The following NBPF11 variants were observed in gnomAD, a reference collection of about 807,000 sequenced individuals.
NBPF11 encodes NBPF member 11, also known as NBPF family member NBPF11.
NBPF11 carries 72 observed loss-of-function variants against 93.9 expected under a neutral mutation model. The observed-to-expected ratio is 0.77, with a 90% confidence interval of 0.63 to 0.93. The LOEUF (loss-of-function observed/expected upper bound fraction) is 0.93. NBPF11 is among the 40% of genes least tolerant of loss of function. The probability of loss-of-function intolerance (pLI) is 0.00; values close to 1 mark genes in which losing one functional copy is unlikely to be tolerated. For synonymous variants in NBPF11, 224 were observed against 304.9 expected, an observed-to-expected ratio of 0.73 and a Z score of 2.76; for missense variants, 705 against 802.2, an observed-to-expected ratio of 0.88 and a Z score of 1.46.
At chr1:148,116,718 C>A (rs1418864199) in intron 12 of NBPF11, among the ~76,000 whole-genome samples, 183 bp from the exon 13 acceptor site, 1 of 151,634 alleles carries the variant, frequency 6.6e-6, no homozygotes, top group Non-Finnish European at 1.5e-5. Context: ...CAATGCATTT[C>A]TGATCTGGAG....
At chr1:148,134,144 C>T (rs1419067526) in intron 4 of NBPF11, among the ~76,000 whole-genome samples, 1 of 151,836 alleles carries the variant, frequency 6.6e-6, no homozygotes, top group African/African-American at 2.4e-5. Flanking sequence ...CGCTGTTCCC[C>T]TCACCCATGC....
chr1:148,127,491 A>G (rs1669361592), intron 4 of NBPF11, among the ~76,000 whole-genome samples: 1 of 72,398 alleles, frequency 1.4e-5, no homozygotes, highest in African/African-American at 6.1e-5. Context: ...CTTTCCCAAT[A>G]CATCTAAGCA....
In NBPF11 at chr1:148,108,552, T is replaced by G. The variant is rs1664373335; in HGVS notation, c.1956A>C (p.Ser652=). Residue 652 remains serine, a synonymous_variant, in exon 18 of 24, where the codon TCA becomes TCC. Coordinates refer to ENST00000682118, the MANE Select transcript of NBPF11 (RefSeq NM_001385469.3). ...AAAAGGCACTTCTGTAGGGCTGGCA[T>G]GAGTCAGTCAGTCCAAGATAAACTG... ...TPSVYLGLTD[S]CQPYRSAFYV... 1 of 1,604,182 alleles carries G rather than the reference T, an allele frequency of 6.2e-7. No individual in the cohort carries two copies. Among genetic ancestry groups the G allele is most frequent in the Non-Finnish European group, 8.5e-7 (1 of 1,173,518 alleles).
chr1:148,126,551 T>A (rs1230234492), intron 5 of NBPF11, among the ~76,000 whole-genome samples: 4 of 152,108 alleles, frequency 2.6e-5, no homozygotes, highest in South Asian at 4.1e-4. Flanking sequence ...GAGAGGATTC[T>A]TGAAAACATG....
At chr1:148,136,146 A>G (rs1671244376) in intron 3 of NBPF11, among the ~76,000 whole-genome samples, 1 of 152,008 alleles carries the variant, frequency 6.6e-6, no homozygotes, top group Non-Finnish European at 1.5e-5. Context: ...TAGTATAAAC[A>G]CTTTGGGAAA....
chr1:148,151,285 G>A (rs1558173227), intron 1 of NBPF11, among the ~76,000 whole-genome samples: 1 of 151,936 alleles, frequency 6.6e-6, no homozygotes, highest in Non-Finnish European at 1.5e-5. Context: ...TGGCACACCT[G>A]GCTTGCCCAT....
intron 1 of NBPF11, chr1:148,146,547 C>G: frequency 3.1e-6 from 5 of 1,604,602 alleles, no homozygotes; most frequent in Non-Finnish European, 3.4e-6. Context: ...CCGGGGCCGC[C>G]CCCTTGGGGA....
rs1212858313 is a variant in NBPF11 at position 148,121,557 on chromosome 1, G to A, written c.778+498C>T. Among the ~76,000 whole-genome samples the A allele has an allele frequency of 4.6e-5, 7 of 151,224 alleles. No homozygotes were observed. The East Asian group carries it at 7.8e-4, about 17-fold the overall frequency. On this transcript the variant is annotated intron_variant, in intron 9 of 23. Transcript: ENST00000682118. Reference sequence around the variant, plus strand: ...TTTTTAGTAAAGACGGGGTTTCACCGTGTTAGCCAGGATGGTCTCAATCTC... The same window carrying A: ...TTTTTAGTAAAGACGGGGTTTCACCATGTTAGCCAGGATGGTCTCAATCTC...
At position 148,121,981 on chromosome 1, in the gene NBPF11, T is replaced by C. The variant is rs1667978308; in HGVS notation, c.778+74A>G. ...GACTAAAACAATAACAATATGTGTA[T>C]ATACAGCCTGTCCTCAGAATTGATC... On this transcript the variant is annotated intron_variant, in intron 9 of 23. Transcript: ENST00000682118. 3.2e-6 allele frequency: 3 copies of C among 950,908 alleles called. No homozygotes were observed. The East Asian group carries it at 7.1e-5, about 23-fold the overall frequency. 58.9% of individuals were successfully genotyped at this position (950,908 alleles called of 1,614,324 possible).
chr1:148,134,856 CA>C (rs1279781302), intron 4 of NBPF11, among the ~76,000 whole-genome samples: 1 of 151,920 alleles, frequency 6.6e-6, no homozygotes, highest in Non-Finnish European at 1.5e-5. Context: ...GCCCTAGAGT[CA>C]GGGGCAGCAC....
chr1:148,108,369 TCC>T (rs1281304487), intron 18 of NBPF11, 111 bp downstream of exon 18: 1 of 743,380 alleles, frequency 1.3e-6, no homozygotes, highest in Non-Finnish European at 2.4e-6. Context: ...TGCCTATAGG[TCC>T]TCCCTGTGGC....
At chr1:148,104,130 G>C (rs1254132982) in intron 23 of NBPF11, among the ~76,000 whole-genome samples, 2,502 of 144,510 alleles carry the variant, frequency 0.017, 89 homozygotes, top group Non-Finnish European at 0.027. Flanking sequence ...GACAGAGACA[G>C]AGACAGAGAC....
rs1664452580 is a variant in NBPF11, at chr1:148,108,764, G to A, written c.1854-110C>T. 4.0e-6 allele frequency: 3 copies of A among 746,670 alleles called. No homozygotes were observed. In the East Asian group the frequency reaches 7.8e-5, roughly 20 times the overall value. 46.3% of individuals were successfully genotyped at this position (746,670 alleles called of 1,614,324 possible). On this transcript the variant is annotated intron_variant, in intron 17 of 23. Transcript: ENST00000682118. Reference sequence around the variant, plus strand: ...GAAGAGTTTGAAAAGAAAAAGGACAGATCCATTAATGAGGTAACAAATTAT... The same window carrying A: ...GAAGAGTTTGAAAAGAAAAAGGACAAATCCATTAATGAGGTAACAAATTAT...
At chr1:148,138,457 G>A (rs1254463702) in intron 2 of NBPF11, among the ~76,000 whole-genome samples, 2 of 151,056 alleles carry the variant, frequency 1.3e-5, no homozygotes, top group Non-Finnish European at 2.9e-5. Context: ...ATGACATGGG[G>A]AGAAACCTTG....
chr1:148,139,451 C>T (rs1341505730), intron 2 of NBPF11, among the ~76,000 whole-genome samples: 1 of 148,906 alleles, frequency 6.7e-6, no homozygotes, highest in South Asian at 2.1e-4. Context: ...TCATGGGGAC[C>T]AGGGATTAGG....
intron 2 of NBPF11, among the ~76,000 whole-genome samples, chr1:148,138,508 T>C (rs1671700242): frequency 6.6e-6 from 1 of 151,874 alleles, no homozygotes; most frequent in African/African-American, 2.4e-5. Flanking sequence ...CCTGCAGTCT[T>C]CCGCAGTGTA....
Position 148,103,762 on chromosome 1 carries a change from G to T in NBPF11, c.*134C>A, listed in dbSNP as rs1445794411. 1 of 1,611,812 alleles carries T rather than the reference G, an allele frequency of 6.2e-7. No individual in the cohort carries two copies. Among genetic ancestry groups the T allele is most frequent in the Non-Finnish European group, 8.5e-7 (1 of 1,179,428 alleles). On this transcript the variant is annotated 3_prime_UTR_variant, in exon 24 of 24. Transcript: ENST00000682118. ...TATTGTCCATGTCAAGGGCAAAGCT[G>T]ATGTGCTGTTCCTCAAATGAGTAAA...
At chr1:148,123,698 T>C (rs1244771542) in intron 7 of NBPF11, among the ~76,000 whole-genome samples, 155 bp downstream of exon 7, 4 of 152,146 alleles carry the variant, frequency 2.6e-5, no homozygotes, top group South Asian at 2.1e-4. Flanking sequence ...GGTTTCCCAT[T>C]TCTGTTCTTA....
At chr1:148,151,147 T>G (rs1648210016) in intron 1 of NBPF11, among the ~76,000 whole-genome samples, 1 of 151,832 alleles carries the variant, frequency 6.6e-6, no homozygotes, top group Non-Finnish European at 1.5e-5. Flanking sequence ...ACAGCAACTC[T>G]TTGGACTGCA....
Sources: gnomAD v4.1 joint callset for allele counts (sites outside exome capture counted in the v4.1 genomes callset) on GRCh38, gnomAD v4.1.1 for gene constraint, MANE v1.5 for transcripts, NCBI Gene and HGNC (gene_info 2026-07-23, HGNC 2026-07-21) for gene names.